Variants in MTMR3 observed in about 807,000 individuals in gnomAD.
MTMR3 encodes the protein phosphatidylinositol-3,5-bisphosphate 3-phosphatase MTMR3.
MTMR3 carries 32 observed loss-of-function variants against 132.4 expected under a neutral mutation model. That is an observed-to-expected ratio of 0.24 (90% CI 0.18 to 0.32). The LOEUF (loss-of-function observed/expected upper bound fraction) is 0.32, where lower values mean the gene tolerates loss of function less well. MTMR3 is among the 10% of genes least tolerant of loss of function. MTMR3 has a pLI of 1.00. For synonymous variants in MTMR3, 556 were observed against 550.3 expected (o/e 1.01, Z -0.14); for missense variants, 1,216 against 1,489.6 (o/e 0.82, Z 3.02).
chr22:29,966,740 T>C (rs398040544), intron 2 of MTMR3, among the ~76,000 whole-genome samples: 7,285 of 103,780 alleles, frequency 0.07, 375 homozygotes, highest in South Asian at 0.34. Flanking sequence ...TGTGTGTGTG[T>C]GTGTGTGTGT....
At chr22:29,884,599 C>T (rs1382181817) in intron 1 of MTMR3, among the ~76,000 whole-genome samples, 1 of 146,944 alleles carries the variant, frequency 6.8e-6, no homozygotes, top group Admixed American at 6.8e-5. Flanking sequence ...ATCTCTCTCT[C>T]CCGCCCAGGC....
At chr22:29,971,194 C>T in intron 3 of MTMR3, 132 bp downstream of exon 3, 2 of 899,800 alleles carry the variant, frequency 2.2e-6, no homozygotes, top group Non-Finnish European at 3.2e-6. Context: ...TTTCCCAGAT[C>T]TCTTGTGTCT....
In MTMR3 at chr22:30,020,289, C is replaced by T; in HGVS notation, c.2630C>T (p.Pro877Leu). 1 of 1,614,192 alleles carries T rather than the reference C, an allele frequency of 6.2e-7. No homozygotes were observed. Among genetic ancestry groups the T allele is most frequent in the Non-Finnish European group, 8.5e-7 (1 of 1,180,042 alleles). ...CLVNSGKDRL[P>L]QTMEPSPSET... ...GTAAATAGTGGCAAGGACAGGCTTC[C>T]TCAGACCATGGAACCCAGCCCTTCA... Residue 877 changes from proline to leucine, a missense_variant, in exon 17 of 20, where the codon CCT becomes CTT. Around this residue, in one of 7 missense-constraint regions of MTMR3, gnomAD observed 852 missense variants for 852.0 expected, o/e 1.00. Coordinates refer to ENST00000401950, the MANE Select transcript of MTMR3 (RefSeq NM_021090.4).
At position 29,928,905 on chromosome 22, in the gene MTMR3, C is replaced by A. The variant is rs114985406; in HGVS notation, c.-137-28131C>A. On this transcript the variant is annotated intron_variant, in intron 1 of 19. Coordinates refer to ENST00000401950, the MANE Select transcript of MTMR3 (RefSeq NM_021090.4). ...TAGAGTTACTTGGCTATATGGAATA[C>A]GTAGTAGTAGTCGTAGTATATTGTC... is the stretch of plus-strand genomic sequence containing the variant. Among the ~76,000 whole-genome samples, 349 of 152,260 alleles carry A rather than the reference C, an allele frequency of 2.3e-3. 6 individuals are homozygous for A. The highest frequency in any genetic ancestry group is 8.1e-3 in the African/African-American group (335 of 41,532).
intron 9 of MTMR3, chr22:30,003,293 C>T (rs1015039028): frequency 4.1e-5 from 9 of 217,216 alleles, no homozygotes; most frequent in Non-Finnish European, 6.4e-5. Context: ...GCTTACTAAG[C>T]ATTTAGCTTC....
In MTMR3 at chr22:29,970,967, C is replaced by T. The variant is rs1242443588; in HGVS notation, c.-84-9C>T. The T allele has an allele frequency of 9.3e-6, 9 of 969,982 alleles. No homozygotes were observed. The highest frequency in any genetic ancestry group is 1.7e-5 in the African/African-American group (1 of 60,160). 60.1% of individuals were successfully genotyped at this position (969,982 alleles called of 1,614,324 possible). On this transcript the variant is annotated splice_polypyrimidine_tract_variant and intron_variant, in intron 2 of 19. Coordinates refer to ENST00000401950, the MANE Select transcript of MTMR3 (RefSeq NM_021090.4). ...TTTTCTTCTTCCCCCTCTTCCCCCC[C>T]ACCCCCAGACTTCACCATAAGGGAA...
At chr22:29,945,427 G>A (rs2065933106) in intron 1 of MTMR3, among the ~76,000 whole-genome samples, 1 of 152,126 alleles carries the variant, frequency 6.6e-6, no homozygotes, top group Admixed American at 6.5e-5. Flanking sequence ...AGCTGGCCAG[G>A]TGCGGTGGCT....
Position 29,963,292 on chromosome 22 carries a change from A to C in MTMR3, c.-85+6204A>C, listed in dbSNP as rs137994823. On this transcript the variant is annotated intron_variant, in intron 2 of 19. Coordinates refer to ENST00000401950, the MANE Select transcript of MTMR3 (RefSeq NM_021090.4). ...GAGGTGGGGTTTCACCATATTGCCC[A>C]GGCTGGTCTCAAACACCTGGGTAAA... Among the ~76,000 whole-genome samples the C allele has an allele frequency of 7.4e-3, 1,117 of 151,590 alleles. 10 individuals are homozygous for C. The highest frequency in any genetic ancestry group is 0.026 in the African/African-American group (1,053 of 41,294).
intron 1 of MTMR3, among the ~76,000 whole-genome samples, chr22:29,937,802 G>C (rs1366449146): frequency 6.6e-6 from 1 of 152,104 alleles, no homozygotes; most frequent in Non-Finnish European, 1.5e-5. Flanking sequence ...AAGATTTGAA[G>C]TAATTAAAAA....
At chr22:29,966,064 T>C (rs1329649131) in intron 2 of MTMR3, among the ~76,000 whole-genome samples, 1 of 152,214 alleles carries the variant, frequency 6.6e-6, no homozygotes, top group South Asian at 2.1e-4. Flanking sequence ...GAAAATAGTT[T>C]AATAAATCTC....
rs1031215261 is a variant in MTMR3 at position 29,991,575 on chromosome 22, C to G, written c.365C>G (p.Ala122Gly). Residue 122 changes from alanine (A) to glycine (G), a missense_variant, in exon 7 of 20, where the codon GCT (alanine) becomes GGT (glycine). By Grantham distance (60) the Ala-to-Gly change is moderately conservative. This residue lies in a region of MTMR3 where 129 missense variants were observed against 245.7 expected (regional missense o/e 0.53). Transcript: ENST00000401950. ...CTGAACAACGCAATCCGACCACCTG[C>G]TAAAATAGAAGATCTCTTCTCATTT... is the stretch of plus-strand genomic sequence containing the variant. ...KRLNNAIRPP[A>G]KIEDLFSFAY... 6.2e-7 allele frequency: 1 copy of G among 1,614,092 alleles called. No homozygotes were observed. The highest frequency in any genetic ancestry group is 1.3e-5 in the African/African-American group (1 of 75,042).
chr22:29,976,002 T>C (rs1449832443), intron 3 of MTMR3, among the ~76,000 whole-genome samples: 2 of 152,222 alleles, frequency 1.3e-5, no homozygotes, highest in Non-Finnish European at 2.9e-5. Flanking sequence ...GTCTGTCTTG[T>C]ACTTTGAGTG....
At chr22:30,015,080 T>G (rs2067544416) in intron 14 of MTMR3, 1 of 152,170 alleles carries the variant, frequency 6.6e-6, no homozygotes, top group Non-Finnish European at 1.5e-5. Flanking sequence ...AGCATCTCAC[T>G]CTGTCACCCA....
intron 2 of MTMR3, among the ~76,000 whole-genome samples, chr22:29,968,870 G>A (rs967912280): frequency 2.6e-5 from 4 of 152,214 alleles, no homozygotes; most frequent in Non-Finnish European, 5.9e-5. Flanking sequence ...TTGGTTTGAA[G>A]AGTGGTTAAG....
intron 3 of MTMR3, among the ~76,000 whole-genome samples, chr22:29,976,410 A>C (rs917666183): frequency 1.3e-5 from 2 of 152,114 alleles, no homozygotes; most frequent in Non-Finnish European, 1.5e-5. Flanking sequence ...ATGAAAAAAA[A>C]TGGCTAGTTC....
chr22:29,919,997 T>C (rs1336283983), intron 1 of MTMR3, among the ~76,000 whole-genome samples: 1 of 152,006 alleles, frequency 6.6e-6, no homozygotes, highest in East Asian at 1.9e-4. Context: ...GGGCAGATCA[T>C]GAGGTCAAGA....
chr22:29,914,156 T>C (rs538688573), intron 1 of MTMR3, among the ~76,000 whole-genome samples: 2 of 152,322 alleles, frequency 1.3e-5, no homozygotes, highest in South Asian at 4.1e-4. Context: ...GAGTAGAAAT[T>C]GCAGGATTGT....
intron 1 of MTMR3, among the ~76,000 whole-genome samples, chr22:29,901,231 G>A (rs1224196487): frequency 6.6e-6 from 1 of 151,498 alleles, no homozygotes; most frequent in Non-Finnish European, 1.5e-5. Context: ...TGACTAGGAT[G>A]TAAGCACTAG....
At chr22:29,995,228 A>G (rs1392716802) in intron 7 of MTMR3, 1 of 152,282 alleles carries the variant, frequency 6.6e-6, no homozygotes, top group African/African-American at 2.4e-5. Context: ...AATGCAGTCC[A>G]GGAAGTTGCA....
Sources: gnomAD v4.1 joint callset for allele counts (sites outside exome capture counted in the v4.1 genomes callset) on GRCh38, gnomAD v4.1.1 for gene constraint, gnomAD v4.1.1 regional missense constraint, MANE v1.5 for transcripts, NCBI Gene and HGNC (gene_info 2026-07-23, HGNC 2026-07-21) for gene names.